PARD3: variants seen among roughly 807,000 people sequenced by gnomAD.
PARD3 encodes the protein partitioning defective 3 homolog.
PARD3 carries 75 observed loss-of-function variants against 155.4 expected under a neutral mutation model. That is an observed-to-expected ratio of 0.48 (90% confidence interval 0.40 to 0.58). The LOEUF is 0.58. Ranked by LOEUF, PARD3 falls within the 20% of genes least tolerant of loss-of-function variation. PARD3 has a pLI of 0.00. For synonymous variants in PARD3, 576 were observed against 610.5 expected (o/e 0.94, Z 0.83); for missense variants, 1,642 against 1,721.7 (o/e 0.95, Z 0.82).
chr10:34,694,470 CTTTTTTTTT>C (rs34628015), intron 2 of PARD3, among the ~76,000 whole-genome samples: 3 of 101,922 alleles, frequency 2.9e-5, no homozygotes, highest in Non-Finnish European at 5.6e-5. Flanking sequence ...AAAACTTCTG[CTTTTTTTTT>C]TTTTTTTTTT....
chr10:34,335,787 A>G (rs1301231267), intron 18 of PARD3, among the ~76,000 whole-genome samples: 1 of 152,110 alleles, frequency 6.6e-6, no homozygotes, highest in Non-Finnish European at 1.5e-5. Flanking sequence ...TGGCACTATT[A>G]TCTTTCAAAT....
At chr10:34,246,523 G>C (rs958271223) in intron 22 of PARD3, among the ~76,000 whole-genome samples, 2 of 152,082 alleles carry the variant, frequency 1.3e-5, no homozygotes, top group Non-Finnish European at 2.9e-5. Context: ...AGGCTAAGGT[G>C]GTCAGCATCT....
At chr10:34,364,323 T>C (rs966742843) in intron 12 of PARD3, among the ~76,000 whole-genome samples, 4 of 152,170 alleles carry the variant, frequency 2.6e-5, no homozygotes, top group East Asian at 1.9e-4. Flanking sequence ...GTGAGCTCAA[T>C]AGCCGATTTT....
At chr10:34,320,463 T>C (rs1260483021) in intron 19 of PARD3, among the ~76,000 whole-genome samples, 5 of 152,222 alleles carry the variant, frequency 3.3e-5, no homozygotes, top group Non-Finnish European at 2.9e-5. Flanking sequence ...GCAACCATTA[T>C]CATAAATCAT....
chr10:34,284,103 TA>T, intron 21 of PARD3, 31 bp downstream of exon 21: 1 of 1,173,370 alleles, frequency 8.5e-7, no homozygotes, highest in Non-Finnish European at 1.2e-6. Context: ...AACCTCTTTC[TA>T]AGGAGGTTTA....
intron 1 of PARD3, among the ~76,000 whole-genome samples, chr10:34,751,043 G>T (rs1020747932): frequency 1.3e-5 from 2 of 152,050 alleles, no homozygotes; most frequent in African/African-American, 4.8e-5. Flanking sequence ...AGGAGTGGGA[G>T]GCATAGAGAT....
chr10:34,299,155 G>C (rs1589100388), intron 20 of PARD3, among the ~76,000 whole-genome samples: 1 of 152,286 alleles, frequency 6.6e-6, no homozygotes, highest in African/African-American at 2.4e-5. Flanking sequence ...ACCCACAGTG[G>C]CCAACAGAGT....
chr10:34,787,671 G>A (rs1365588899), intron 1 of PARD3, among the ~76,000 whole-genome samples: 1 of 152,060 alleles, frequency 6.6e-6, no homozygotes, highest in African/African-American at 2.4e-5. Context: ...ATGTCTTGAA[G>A]GGGAGAAAAG....
intron 1 of PARD3, among the ~76,000 whole-genome samples, chr10:34,793,296 T>C (rs1189911604): frequency 1.3e-5 from 2 of 151,884 alleles, no homozygotes; most frequent in African/African-American, 2.4e-5. Flanking sequence ...TGGAGGGCAG[T>C]AGGACTCCAG....
intron 22 of PARD3, among the ~76,000 whole-genome samples, chr10:34,203,269 C>T (rs1377872622): frequency 6.6e-6 from 1 of 152,110 alleles, no homozygotes; most frequent in Non-Finnish European, 1.5e-5. Context: ...AGAATGAAGG[C>T]AAAATGGATT....
At chr10:34,721,952 C>A (rs1332769652) in intron 1 of PARD3, among the ~76,000 whole-genome samples, 1 of 152,152 alleles carries the variant, frequency 6.6e-6, no homozygotes, top group Non-Finnish European at 1.5e-5. Flanking sequence ...CCAAACCAGG[C>A]AGATCGCTTG....
At chr10:34,812,380 T>C (rs1844296606) in intron 1 of PARD3, among the ~76,000 whole-genome samples, 1 of 152,206 alleles carries the variant, frequency 6.6e-6, no homozygotes, top group Admixed American at 6.5e-5. Context: ...ACTCCACAAC[T>C]ATCCAGCCAC....
chr10:34,160,924 T>C (rs1949246821), intron 22 of PARD3, among the ~76,000 whole-genome samples: 1 of 152,152 alleles, frequency 6.6e-6, no homozygotes, highest in South Asian at 2.1e-4. Flanking sequence ...GGTTAAGTTT[T>C]AGGCCAGTGC....
At chr10:34,456,280 T>C (rs1239368297) in intron 4 of PARD3, among the ~76,000 whole-genome samples, 1 of 152,196 alleles carries the variant, frequency 6.6e-6, no homozygotes, top group Non-Finnish European at 1.5e-5. Flanking sequence ...TTAAGTAATA[T>C]TTCATTTTTA....
chr10:34,237,390 T>C (rs553729139), intron 22 of PARD3, among the ~76,000 whole-genome samples: 1 of 152,348 alleles, frequency 6.6e-6, no homozygotes, highest in East Asian at 1.9e-4. Flanking sequence ...CCTGCAAATA[T>C]GAATATAAAC....
chr10:34,365,581 C>A (rs1267511736), intron 12 of PARD3, among the ~76,000 whole-genome samples: 1 of 152,020 alleles, frequency 6.6e-6, no homozygotes, highest in African/African-American at 2.4e-5. Flanking sequence ...TAGACAAGAA[C>A]ATCTTTTTAC....
At chr10:34,659,341 C>T (rs2093263542) in intron 2 of PARD3, among the ~76,000 whole-genome samples, 1 of 152,102 alleles carries the variant, frequency 6.6e-6, no homozygotes, top group Non-Finnish European at 1.5e-5. Flanking sequence ...TAATTTGCCA[C>T]ACTTGCAAAA....
chr10:34,128,282 T>TA (rs1226599691), intron 23 of PARD3, among the ~76,000 whole-genome samples: 1 of 152,166 alleles, frequency 6.6e-6, no homozygotes, highest in African/African-American at 2.4e-5. Context: ...AGACAAGACT[T>TA]ACTCCTTTCT....
chr10:34,317,426 C>T, intron 19 of PARD3, 88 bp from the exon 20 acceptor site: 2 of 1,400,982 alleles, frequency 1.4e-6, no homozygotes, highest in South Asian at 1.4e-5. Context: ...ACTTTACTTT[C>T]CCACACTTTT....
Sources: gnomAD v4.1 joint callset for allele counts (sites outside exome capture counted in the v4.1 genomes callset) on GRCh38, gnomAD v4.1.1 for gene constraint, MANE v1.5 for transcripts, NCBI Gene and HGNC (gene_info 2026-07-23, HGNC 2026-07-21) for gene names.